The following VPS26A variants were observed in gnomAD, a reference collection of about 807,000 sequenced individuals.
VPS26A encodes vacuolar protein sorting-associated protein 26A.
Under a neutral mutation model 42.4 loss-of-function variants are expected in VPS26A, and 22 were observed. The ratio of observed to expected loss-of-function variants is 0.52; its 90% CI spans 0.37 to 0.74. The LOEUF is 0.74. Among genes scored for constraint, VPS26A ranks in the 30% least tolerant of loss-of-function variants. The probability of loss-of-function intolerance (pLI) is 0.00; values close to 1 mark genes in which losing one functional copy is unlikely to be tolerated. For missense variants in VPS26A, 276 were observed against 379.2 expected, an observed-to-expected ratio of 0.73 and a Z score of 2.26; for synonymous variants, 110 against 123.5, an observed-to-expected ratio of 0.89 and a Z score of 0.73.
In VPS26A at chr10:69,124,263, GC is replaced by G. The variant is rs1840595970; in HGVS notation, c.-14del. The G allele has an allele frequency of 7.8e-7, 1 of 1,281,768 alleles. No individual in the cohort carries two copies. 79.4% of individuals were successfully genotyped at this position (1,281,768 alleles called of 1,614,324 possible). Reference sequence around the variant, plus strand: ...AGAGGAGTGGAGTAGGGGGGACGCGGCGGCGGCGTTGACAATGGTGAGTGCG... The same window carrying G: ...AGAGGAGTGGAGTAGGGGGGACGCGGGGCGGCGTTGACAATGGTGAGTGCG... On this transcript the variant is annotated 5_prime_UTR_variant, in exon 1 of 9. Coordinates refer to ENST00000263559, the MANE Select transcript of VPS26A (RefSeq NM_004896.5).
At chr10:69,132,030 T>G (rs1468431086) in intron 1 of VPS26A, among the ~76,000 whole-genome samples, 5 of 152,250 alleles carry the variant, frequency 3.3e-5, no homozygotes, top group African/African-American at 9.6e-5. Flanking sequence ...AAATTTTATT[T>G]TCCTTCATTA....
At chr10:69,127,034 C>CT (rs1429265578) in intron 1 of VPS26A, among the ~76,000 whole-genome samples, 21 of 150,108 alleles carry the variant, frequency 1.4e-4, no homozygotes, top group Non-Finnish European at 3.0e-4. Context: ...TCTTGGCTCA[C>CT]TGCAACTTCC....
At chr10:69,166,172 G>A in intron 7 of VPS26A, 62 bp downstream of exon 7, 1 of 1,471,820 alleles carries the variant, frequency 6.8e-7, no homozygotes, top group East Asian at 2.3e-5. Context: ...TGGCAGTTTT[G>A]TTTGTATTTA....
intron 1 of VPS26A, among the ~76,000 whole-genome samples, chr10:69,126,066 G>C (rs1245905857): frequency 6.6e-6 from 1 of 152,174 alleles, no homozygotes; most frequent in Non-Finnish European, 1.5e-5. Flanking sequence ...AAAAGCTCAA[G>C]AGTTTTAACT....
intron 6 of VPS26A, among the ~76,000 whole-genome samples, chr10:69,165,820 C>T (rs978544750): frequency 7.1e-5 from 9 of 127,102 alleles, no homozygotes; most frequent in South Asian, 2.6e-4. Context: ...GTGGTGCACA[C>T]GTGTAATCTC....
chr10:69,147,548 C>T (rs1471223948), intron 2 of VPS26A, among the ~76,000 whole-genome samples: 1 of 152,088 alleles, frequency 6.6e-6, no homozygotes, highest in Non-Finnish European at 1.5e-5. Context: ...GTAGCTTTTA[C>T]ATGTAGGTGT....
At chr10:69,151,492 C>T (rs1220284495) in intron 2 of VPS26A, among the ~76,000 whole-genome samples, 3 of 151,646 alleles carry the variant, frequency 2.0e-5, no homozygotes, top group African/African-American at 7.3e-5. Flanking sequence ...CCCAGCTCAC[C>T]AGCATAGTTA....
At chr10:69,151,282 A>AAAAAAAAAAAAAAAAAAAAAAAAAC (rs71035063) in intron 2 of VPS26A, among the ~76,000 whole-genome samples, 1 of 136,824 alleles carries the variant, frequency 7.3e-6, no homozygotes, top group African/African-American at 3.3e-5. Context: ...AAAAAAAAAA[A>AAAAAAAAAAAAAAAAAAAAAAAAAC]ACACACACAC....
At chr10:69,167,444 G>GAA (rs148169430) in intron 7 of VPS26A, among the ~76,000 whole-genome samples, 1 of 77,432 alleles carries the variant, frequency 1.3e-5, no homozygotes, top group African/African-American at 3.4e-5. Context: ...AAAAGAAAAA[G>GAA]AAAAAAAAAA....
intron 5 of VPS26A, chr10:69,161,574 T>C (rs1434680198): frequency 4.2e-6 from 1 of 236,328 alleles, no homozygotes. Context: ...GGCCTGAGAC[T>C]CCTTGCCATA....
chr10:69,165,543 C>T (rs1247710764), intron 6 of VPS26A, among the ~76,000 whole-genome samples: 1 of 152,112 alleles, frequency 6.6e-6, no homozygotes, highest in Non-Finnish European at 1.5e-5. Flanking sequence ...TGCGGTCGCT[C>T]ACCTGTAATC....
At chr10:69,171,097 A>G in intron 8 of VPS26A, 59 bp from the exon 9 acceptor site, 2 of 1,329,804 alleles carry the variant, frequency 1.5e-6, no homozygotes, top group South Asian at 1.3e-5. Flanking sequence ...GTGGCAATCA[A>G]TAGAGATAAG....
rs151136046 is a variant in VPS26A, at chr10:69,149,727, G to GTTTTT, written c.154-6083_154-6079dup. 1.8e-3 allele frequency among the ~76,000 whole-genome samples: 169 copies of GTTTTT among 93,930 alleles called. 23 individuals carry two copies. Among genetic ancestry groups the GTTTTT allele is most frequent in the African/African-American group, 6.6e-3 (136 of 20,564 alleles). 61.6% of individuals were successfully genotyped at this position (93,930 alleles called of 152,430 possible). A position where few individuals can be genotyped will look rare whatever the true frequency, so the allele number is the denominator to read the frequency against. On this transcript the variant is annotated intron_variant, in intron 2 of 8. Coordinates refer to ENST00000263559, the MANE Select transcript of VPS26A (RefSeq NM_004896.5). ...ACCATGGAATGTTAACTTTCTTGGT[G>GTTTTT]TTTTTTGTTTTTTTTTTTTTTTTTT...
intron 2 of VPS26A, among the ~76,000 whole-genome samples, chr10:69,148,441 G>T (rs775607796): frequency 6.6e-6 from 1 of 152,092 alleles, no homozygotes; most frequent in Non-Finnish European, 1.5e-5. Flanking sequence ...TATTTTTGTG[G>T]CATCTTTCAT....
At chr10:69,162,126 G>A (rs1841577684) in intron 5 of VPS26A, among the ~76,000 whole-genome samples, 1 of 151,898 alleles carries the variant, frequency 6.6e-6, no homozygotes, top group East Asian at 1.9e-4. Flanking sequence ...CAAGTAGCAG[G>A]GATCACAAGC....
chr10:69,167,742 C>CAAAAAAAAA (rs35974356), intron 7 of VPS26A, among the ~76,000 whole-genome samples: 1 of 66,326 alleles, frequency 1.5e-5, no homozygotes, highest in Non-Finnish European at 2.8e-5. Flanking sequence ...GACTCCATCT[C>CAAAAAAAAA]AAAAAAAAAA....
chr10:69,165,910 C>T, intron 6 of VPS26A, 132 bp from the exon 7 acceptor site: 1 of 817,694 alleles, frequency 1.2e-6, no homozygotes. Context: ...TGGACCACTG[C>T]ACTCTAGCTT....
intron 5 of VPS26A, among the ~76,000 whole-genome samples, chr10:69,159,541 T>A (rs1269457347): frequency 6.6e-6 from 1 of 152,048 alleles, no homozygotes; most frequent in Admixed American, 6.6e-5. Context: ...TAGAAAAGAG[T>A]CTGCAATGAT....
chr10:69,126,628 T>G (rs1331676258), intron 1 of VPS26A, among the ~76,000 whole-genome samples: 1 of 151,738 alleles, frequency 6.6e-6, no homozygotes, highest in Admixed American at 6.6e-5. Context: ...ATCCTAACCC[T>G]CAACAAATTT....
Sources: gnomAD v4.1 joint callset for allele counts (sites outside exome capture counted in the v4.1 genomes callset) on GRCh38, gnomAD v4.1.1 for gene constraint, MANE v1.5 for transcripts, NCBI Gene and HGNC (gene_info 2026-07-23, HGNC 2026-07-21) for gene names.